Variants in FOCAD observed in about 807,000 individuals in gnomAD.
The protein encoded by FOCAD is KIAA1797.
A neutral mutation model predicts 225.6 loss-of-function variants in FOCAD; 198 were observed. That is an observed-to-expected ratio of 0.88 (90% CI 0.78 to 0.99). The LOEUF is 0.99. Among genes scored for constraint, FOCAD ranks in the 50% least tolerant of loss-of-function variants. The pLI, the probability that FOCAD is intolerant of heterozygous loss-of-function variation, is 0.00. For missense variants in FOCAD, 2,713 were observed against 2,123.6 expected, an observed-to-expected ratio of 1.28 and a Z score of -5.46; for synonymous variants, 897 against 755.0, an observed-to-expected ratio of 1.19 and a Z score of -3.08.
upstream of FOCAD, among the ~76,000 whole-genome samples, chr9:20,680,293 C>G (rs1189705229): frequency 6.6e-6 from 1 of 152,204 alleles, no homozygotes; most frequent in Admixed American, 6.5e-5. Context: ...GGTGCGATGG[C>G]TCATGCCTGT....
chr9:20,982,431 C>T lies in FOCAD; in HGVS notation c.4713C>T (p.Ile1571=), dbSNP rs372745033. The T allele has an allele frequency of 1.6e-5, 26 of 1,613,226 alleles. No homozygotes were observed. Among genetic ancestry groups the T allele is most frequent in the South Asian group, 2.2e-5 (2 of 91,056 alleles). ...LEMTDDDANR[I]AQVTKSNIEK... The stretch of plus-strand genomic sequence containing the variant: ...TGACAGATGATGATGCCAATCGGAT[C>T]GCCCAGGTTACTAAGGTAATAACAT... The change falls in exon 39 of 44, where the codon ATC becomes ATT. Residue 1571 remains isoleucine, a synonymous_variant. Transcript: ENST00000338382.
chr9:20,825,999 T>G (rs753441544), intron 15 of FOCAD, among the ~76,000 whole-genome samples: 20 of 152,106 alleles, frequency 1.3e-4, no homozygotes, highest in Non-Finnish European at 2.4e-4. Flanking sequence ...ATTTGTCCCT[T>G]CCTTAATGCT....
At chr9:20,790,727 C>A (rs201522055) in intron 11 of FOCAD, among the ~76,000 whole-genome samples, 1 of 152,038 alleles carries the variant, frequency 6.6e-6, no homozygotes, top group African/African-American at 2.4e-5. Context: ...GCCGAGATTG[C>A]GCCACTGCAC....
chr9:20,866,488 CCTT>C (rs1829264916), intron 17 of FOCAD, among the ~76,000 whole-genome samples: 1 of 151,998 alleles, frequency 6.6e-6, no homozygotes, highest in Non-Finnish European at 1.5e-5. Context: ...TCCTTGTTCT[CCTT>C]CTGCTAAATC....
chr9:20,741,607 A>G (rs1827616650), intron 5 of FOCAD, among the ~76,000 whole-genome samples: 2 of 151,358 alleles, frequency 1.3e-5, no homozygotes, highest in South Asian at 2.1e-4. Context: ...CAAAAGGAAA[A>G]TTATTTATTT....
chr9:20,871,918 AAAAT>A (rs1327357538), intron 18 of FOCAD, among the ~76,000 whole-genome samples: 2 of 18,754 alleles, frequency 1.1e-4, no homozygotes, highest in Admixed American at 8.9e-4. Flanking sequence ...TAATAATAAT[AAAAT>A]AAAAAAAATT....
intron 1 of FOCAD, among the ~76,000 whole-genome samples, chr9:20,687,312 A>C (rs1244595271): frequency 6.6e-6 from 1 of 152,170 alleles, no homozygotes; most frequent in Non-Finnish European, 1.5e-5. Context: ...TAAACTGGAG[A>C]AGGTATCTTC....
intron 15 of FOCAD, among the ~76,000 whole-genome samples, chr9:20,829,726 T>A (rs187169859): frequency 9.0e-4 from 137 of 152,224 alleles, no homozygotes; most frequent in African/African-American, 3.1e-3. Context: ...ATAGGAGAGA[T>A]CAGATGAACA....
intron 15 of FOCAD, among the ~76,000 whole-genome samples, chr9:20,845,442 G>GAGATATATATATATATATATATATATAT (rs368497237): frequency 2.7e-4 from 33 of 121,246 alleles, no homozygotes; most frequent in African/African-American, 8.2e-4. Flanking sequence ...TCTTTTCCTC[G>GAGATATATATATATATATATATATATAT]ATATATATAT....
At chr9:20,727,720 A>G (rs751110634) in intron 4 of FOCAD, among the ~76,000 whole-genome samples, 1 of 152,212 alleles carries the variant, frequency 6.6e-6, no homozygotes, top group Non-Finnish European at 1.5e-5. Flanking sequence ...CTGATGACTT[A>G]CTATGCTTAA....
At chr9:20,715,082 A>G (rs1167615197) in intron 1 of FOCAD, among the ~76,000 whole-genome samples, 2 of 152,138 alleles carry the variant, frequency 1.3e-5, no homozygotes, top group African/African-American at 2.4e-5. Context: ...CTTTTTCAGG[A>G]TTAGCTCTCA....
At position 20,866,917 on chromosome 9, in the gene FOCAD, T is replaced by TTTTTTTTTAAAAAA; in HGVS notation, c.2107-12_2107-11insTTTTTTTTAAAAAA. ...TTTTTTTTTTTTTTTTTTTTTTTTT[T>TTTTTTTTTAAAAAA]ACCCTATCTAGGACCCAATTGTAGC... On this transcript the variant is annotated splice_polypyrimidine_tract_variant and intron_variant, in intron 17 of 43. Transcript: ENST00000338382. The TTTTTTTTTAAAAAA allele has an allele frequency of 1.3e-6, 1 of 764,972 alleles. No individual in the cohort carries two copies. Among genetic ancestry groups the TTTTTTTTTAAAAAA allele is most frequent in the Non-Finnish European group, 2.0e-6 (1 of 498,468 alleles). 47.4% of individuals were successfully genotyped at this position (764,972 alleles called of 1,614,324 possible).
rs189613645 is a variant in FOCAD, at chr9:20,966,884, A to G, written c.4133-9536A>G. On this transcript the variant is annotated intron_variant, in intron 35 of 43. Transcript: ENST00000338382. ...GAAATAAACCTATGCACTGGTCTAT[A>G]TGTCTGTCTTTATATGTACTAATAC... 7.0e-4 allele frequency among the ~76,000 whole-genome samples: 106 copies of G among 152,182 alleles called. 1 individual carries two copies. The highest frequency in any genetic ancestry group is 6.7e-3 in the Admixed American group (102 of 15,280).
intron 22 of FOCAD, among the ~76,000 whole-genome samples, chr9:20,909,422 G>T (rs1833254265): frequency 6.6e-6 from 1 of 151,928 alleles, no homozygotes; most frequent in Admixed American, 6.6e-5. Context: ...CCCTAACACG[G>T]TTATTAATTG....
chr9:20,764,603 T>G (rs1829899529), intron 6 of FOCAD, among the ~76,000 whole-genome samples: 1 of 152,242 alleles, frequency 6.6e-6, no homozygotes, highest in South Asian at 2.1e-4. Context: ...ATGTAGTTGC[T>G]ATTCTAATGT....
At chr9:20,926,791 A>AG (rs1834994074) in intron 26 of FOCAD, among the ~76,000 whole-genome samples, 1 of 123,462 alleles carries the variant, frequency 8.1e-6, no homozygotes, top group African/African-American at 2.6e-5. Context: ...CTCAAAAAAA[A>AG]AAAAAAGAAA....
intron 11 of FOCAD, among the ~76,000 whole-genome samples, chr9:20,802,612 A>G (rs749621911): frequency 6.6e-6 from 1 of 152,150 alleles, no homozygotes; most frequent in African/African-American, 2.4e-5. Flanking sequence ...ATGTCCTAGA[A>G]CAAATAGACT....
chr9:20,963,506 A>T (rs971443695), intron 35 of FOCAD, among the ~76,000 whole-genome samples: 4 of 152,118 alleles, frequency 2.6e-5, no homozygotes, highest in East Asian at 1.9e-4. Flanking sequence ...CCTGGAAAAA[A>T]TTTTTTATGT....
chr9:20,736,900 A>T (rs541017842), intron 4 of FOCAD, among the ~76,000 whole-genome samples: 1 of 151,972 alleles, frequency 6.6e-6, no homozygotes, highest in East Asian at 1.9e-4. Context: ...CTCTCAACCC[A>T]TTTGAAATAT....
Sources: gnomAD v4.1 joint callset for allele counts (sites outside exome capture counted in the v4.1 genomes callset) on GRCh38, gnomAD v4.1.1 for gene constraint, MANE v1.5 for transcripts, NCBI Gene and HGNC (gene_info 2026-07-23, HGNC 2026-07-21) for gene names.